Variants in NDUFAF6 observed in about 807,000 individuals in gnomAD.
The protein encoded by NDUFAF6 is NADH:ubiquinone oxidoreductase complex assembly factor 6.
A neutral mutation model predicts 40.8 loss-of-function variants in NDUFAF6; 45 were observed. The ratio of observed to expected loss-of-function variants is 1.10; its 90% CI spans 0.87 to 1.42. The LOEUF (loss-of-function observed/expected upper bound fraction) is 1.42, where lower values mean the gene tolerates loss of function less well. Ranked by LOEUF, NDUFAF6 falls within the 40% of genes most tolerant of loss-of-function variation. The pLI is 0.00. For synonymous variants in NDUFAF6, 185 were observed against 155.9 expected (o/e 1.19, Z -1.39); for missense variants, 435 against 418.5 (o/e 1.04, Z -0.34).
chr8:95,062,697 C>T (rs1466181367), downstream of NDUFAF6, among the ~76,000 whole-genome samples: 2 of 152,224 alleles, frequency 1.3e-5, no homozygotes, highest in African/African-American at 4.8e-5. Context: ...CACAGCCATG[C>T]TTTCTCCCAA....
At chr8:94,991,890 G>A (rs1294781369) in intron 2 of NDUFAF6, among the ~76,000 whole-genome samples, 1 of 149,096 alleles carries the variant, frequency 6.7e-6, no homozygotes. Flanking sequence ...AAGACATTTG[G>A]ATTATTTCCA....
downstream of NDUFAF6, among the ~76,000 whole-genome samples, chr8:95,060,732 A>AT (rs1221298232): frequency 1.2e-4 from 18 of 152,306 alleles, no homozygotes; most frequent in South Asian, 4.1e-4. Context: ...AAAGCCCATT[A>AT]TTTTTTTACC....
chr8:94,975,480 TAGAA>T (rs555725789), intron 1 of NDUFAF6: 18 of 152,322 alleles, frequency 1.2e-4, no homozygotes, highest in Admixed American at 6.5e-4. Flanking sequence ...CTATAGCAGT[TAGAA>T]AGAGCACATT....
chr8:94,982,508 C>A (rs1825530890), intron 2 of NDUFAF6, among the ~76,000 whole-genome samples: 1 of 152,210 alleles, frequency 6.6e-6, no homozygotes, highest in Admixed American at 6.5e-5. Flanking sequence ...GACTGCGTAT[C>A]TCCCCTGAAG....
intron 1 of NDUFAF6, among the ~76,000 whole-genome samples, chr8:94,970,598 A>T (rs1824389415): frequency 6.7e-6 from 1 of 148,156 alleles, no homozygotes; most frequent in African/African-American, 2.4e-5. Context: ...AAAAAAAATT[A>T]AAAATAACAG....
At chr8:94,984,291 G>C (rs1825667583) in intron 2 of NDUFAF6, 1 of 152,088 alleles carries the variant, frequency 6.6e-6, no homozygotes, top group Non-Finnish European at 1.5e-5. Flanking sequence ...GTGCTTAACA[G>C]TTAAAAAAAC....
chr8:95,104,515 A>G (rs1466208974), downstream of NDUFAF6, among the ~76,000 whole-genome samples: 3 of 152,320 alleles, frequency 2.0e-5, no homozygotes. Context: ...TTAAACACAA[A>G]GGTACTGACT....
chr8:94,983,256 C>CTTTT (rs1173077785), intron 2 of NDUFAF6, among the ~76,000 whole-genome samples: 8 of 83,186 alleles, frequency 9.6e-5, no homozygotes, highest in African/African-American at 1.5e-4. Context: ...CTTTGCTATT[C>CTTTT]TTTTTTTTTT....
At chr8:94,981,908 A>G (rs1348495085) in intron 2 of NDUFAF6, among the ~76,000 whole-genome samples, 1 of 151,070 alleles carries the variant, frequency 6.6e-6, no homozygotes, top group Non-Finnish European at 1.5e-5. Context: ...AATCTAAATG[A>G]CAGAGTGAGA....
At chr8:94,916,363 A>G (rs900357668) in intron 1 of NDUFAF6, among the ~76,000 whole-genome samples, 6 of 152,208 alleles carry the variant, frequency 3.9e-5, no homozygotes, top group African/African-American at 9.6e-5. Context: ...CCACTAGTCT[A>G]TCAGTCTGAA....
intron 1 of NDUFAF6, among the ~76,000 whole-genome samples, chr8:94,906,893 C>T (rs1818425823): frequency 6.6e-6 from 1 of 152,218 alleles, no homozygotes. Flanking sequence ...GTTTATTTGT[C>T]TGTGTCTCCC....
At chr8:95,041,696 G>A in intron 4 of NDUFAF6, 70 bp downstream of exon 4, 2 of 1,193,012 alleles carry the variant, frequency 1.7e-6, no homozygotes, top group Non-Finnish European at 2.5e-6. Flanking sequence ...CTTCAAGAAG[G>A]ACATTTTTTG....
Position 95,032,026 on chromosome 8 carries a change from C to T in NDUFAF6, c.229C>T (p.Leu77=). 1.9e-6 allele frequency: 3 copies of T among 1,614,162 alleles called. No individual in the cohort carries two copies. Among genetic ancestry groups the T allele is most frequent in the Non-Finnish European group, 2.5e-6 (3 of 1,180,000 alleles). The change falls in exon 2 of 9, where the codon CTG becomes TTG. Residue 77 remains leucine (L), a synonymous_variant. Transcript: ENST00000396124. ...KRDYEGYLCS[L]LLPAESRSSV... ...GGATTATGAAGGTTATTTATGCTCC[C>T]TGCTGCTCCCTGCAGAATCCCGAAG...
intron 2 of NDUFAF6, among the ~76,000 whole-genome samples, chr8:94,946,470 G>GCAGGAGGATCACTTTAAGC (rs1215002008): frequency 6.6e-6 from 1 of 151,688 alleles, no homozygotes; most frequent in Non-Finnish European, 1.5e-5. Flanking sequence ...GGATGCCAAG[G>GCAGGAGGATCACTTTAAGC]CAGGAGGATC....
chr8:94,973,479 C>A (rs574244225), intron 1 of NDUFAF6, among the ~76,000 whole-genome samples: 1 of 152,056 alleles, frequency 6.6e-6, no homozygotes, highest in Non-Finnish European at 1.5e-5. Flanking sequence ...GAGGCTAAGG[C>A]GGGCAGATCA....
intron 1 of NDUFAF6, among the ~76,000 whole-genome samples, chr8:94,979,780 A>T (rs981112140): frequency 6.6e-6 from 1 of 152,256 alleles, no homozygotes; most frequent in African/African-American, 2.4e-5. Flanking sequence ...ATGACAAAAA[A>T]CGAACTTTAT....
chr8:95,028,026 G>A (rs1828383936), intron 1 of NDUFAF6, among the ~76,000 whole-genome samples: 1 of 152,232 alleles, frequency 6.6e-6, no homozygotes, highest in South Asian at 2.1e-4. Flanking sequence ...TACTACTGGT[G>A]GTGTTGGAGT....
rs1827377379 is a variant in NDUFAF6, at chr8:95,014,954, C to T, written c.-83-17041C>T. The stretch of plus-strand genomic sequence containing the variant: ...TCTTCTCTACCATCTATATAATCCC[C>T]CCTGAAAGTGCTGTTTGGCTTCCTC... On this transcript the variant is annotated intron_variant, in intron 2 of 9. Transcript: ENST00000396111. 2.0e-5 allele frequency among the ~76,000 whole-genome samples: 3 copies of T among 152,312 alleles called. No individual in the cohort carries two copies. In the South Asian group the frequency reaches 6.2e-4, roughly 32 times the overall value.
chr8:94,924,967 T>C (rs958651152), intron 1 of NDUFAF6, among the ~76,000 whole-genome samples: 1 of 152,208 alleles, frequency 6.6e-6, no homozygotes, highest in African/African-American at 2.4e-5. Flanking sequence ...GGTCTTGAAC[T>C]CCTGACCTCA....
Sources: gnomAD v4.1 joint callset for allele counts (sites outside exome capture counted in the v4.1 genomes callset) on GRCh38, gnomAD v4.1.1 for gene constraint, MANE v1.5 for transcripts, NCBI Gene and HGNC (gene_info 2026-07-23, HGNC 2026-07-21) for gene names.